RBFOX1: variants seen among roughly 807,000 people sequenced by gnomAD.
RBFOX1 encodes the protein RNA binding fox-1 homolog 1, also known as RNA binding protein fox-1 homolog 1.
RBFOX1 carries 8 observed loss-of-function variants against 57.7 expected under a neutral mutation model. That is an observed-to-expected ratio of 0.14 (90% CI 0.08 to 0.25). The LOEUF (loss-of-function observed/expected upper bound fraction) is 0.25, where lower values mean the gene tolerates loss of function less well. Ranked by LOEUF, RBFOX1 falls within the 10% of genes least tolerant of loss-of-function variation. RBFOX1 has a pLI of 1.00. For synonymous variants in RBFOX1, 326 were observed against 222.4 expected (o/e 1.47, Z -4.15); for missense variants, 611 against 548.5 (o/e 1.11, Z -1.14).
chr16:7,190,254 G>T (rs2085041411), intron 4 of RBFOX1, among the ~76,000 whole-genome samples: 1 of 152,178 alleles, frequency 6.6e-6, no homozygotes, highest in Non-Finnish European at 1.5e-5. Flanking sequence ...AGCGACTCGG[G>T]AGGCTGAGGC....
chr16:7,024,355 C>T (rs746573694), intron 3 of RBFOX1, among the ~76,000 whole-genome samples: 1 of 152,070 alleles, frequency 6.6e-6, no homozygotes, highest in Admixed American at 6.5e-5. Context: ...AATAATAATT[C>T]TTGGAGGGCA....
At chr16:7,208,684 A>C (rs577542381) in intron 4 of RBFOX1, among the ~76,000 whole-genome samples, 1 of 152,234 alleles carries the variant, frequency 6.6e-6, no homozygotes, top group South Asian at 2.1e-4. Flanking sequence ...AAAAATTAAA[A>C]AGATTAGCTG....
chr16:7,597,403 TAAA>T lies in RBFOX1; in HGVS notation c.597_599del (p.Lys200del). On this transcript the variant is annotated inframe_deletion, in exon 9 of 16. Coordinates refer to ENST00000550418, the MANE Select transcript of RBFOX1 (RefSeq NM_018723.4). ...ATGCCACAGCACGTGTAATGACAAA[TAAA>T]AAGACCGTCAACCCTTATACAAATG... 1 of 1,611,620 alleles carries T rather than the reference TAAA, an allele frequency of 6.2e-7. No individual in the cohort carries two copies. Among genetic ancestry groups the T allele is most frequent in the Non-Finnish European group, 8.5e-7 (1 of 1,178,590 alleles).
At chr16:6,799,773 A>G (rs185794307) in intron 3 of RBFOX1, among the ~76,000 whole-genome samples, 6 of 152,074 alleles carry the variant, frequency 3.9e-5, no homozygotes, top group African/African-American at 1.2e-4. Context: ...TAGCCTTTGG[A>G]CCGCTGGACT....
At chr16:5,890,682 C>G (rs371304622) in intron 4 of RBFOX1, among the ~76,000 whole-genome samples, 6 of 116,498 alleles carry the variant, frequency 5.2e-5, no homozygotes, top group Admixed American at 4.8e-4. Context: ...GGGTGACAGA[C>G]AGAGAGTCTG....
At chr16:7,109,730 G>T (rs2064299035) in intron 4 of RBFOX1, among the ~76,000 whole-genome samples, 1 of 152,092 alleles carries the variant, frequency 6.6e-6, no homozygotes, top group Admixed American at 6.6e-5. Context: ...AAGAAGAGGG[G>T]TCATTCCAGA....
At chr16:7,312,952 T>A (rs1319810529) in intron 4 of RBFOX1, among the ~76,000 whole-genome samples, 2 of 152,018 alleles carry the variant, frequency 1.3e-5, no homozygotes, top group Non-Finnish European at 2.9e-5. Context: ...GGCACTGATG[T>A]CTGGGAGGGT....
intron 3 of RBFOX1, among the ~76,000 whole-genome samples, chr16:6,820,527 C>A (rs995728934): frequency 1.3e-5 from 2 of 151,986 alleles, no homozygotes; most frequent in Admixed American, 1.3e-4. Flanking sequence ...GGTATGGTGG[C>A]GTGCACCTAT....
rs9932941 is a variant in RBFOX1 at position 7,315,051 on chromosome 16, G to C, written c.28-203096G>C. 4.7e-3 allele frequency among the ~76,000 whole-genome samples: 707 copies of C among 149,712 alleles called. 7 individuals carry two copies. In the Middle Eastern group the frequency reaches 0.081, roughly 17 times the overall value. ...CATAACCTCATATATTTTATTTGGA[G>C]CCCTCAATCAATCTTTCAAGATACC... is the stretch of plus-strand genomic sequence containing the variant. On this transcript the variant is annotated intron_variant, in intron 4 of 15. Transcript: ENST00000550418.
At chr16:6,193,911 C>G (rs1598262644) in intron 1 of RBFOX1, among the ~76,000 whole-genome samples, 1 of 152,158 alleles carries the variant, frequency 6.6e-6, no homozygotes, top group East Asian at 1.9e-4. Context: ...TGTGTTCACA[C>G]CTAAGCGAAG....
rs74250021 is a variant in RBFOX1 at position 6,938,526 on chromosome 16, G to A, written c.-15-113531G>A. Among the ~76,000 whole-genome samples, 739 of 152,040 alleles carry A rather than the reference G, an allele frequency of 4.9e-3. 11 individuals carry two copies. The highest frequency in any genetic ancestry group is 0.03 in the East Asian group (155 of 5,160). ...TTAATAAGGATTAAATAAGGTAAAT[G>A]CCTAACATTCTAGCATTACCAGACA... On this transcript the variant is annotated intron_variant, in intron 3 of 15. Transcript: ENST00000550418.
At chr16:6,776,749 A>T (rs1462215041) in intron 3 of RBFOX1, among the ~76,000 whole-genome samples, 2 of 152,228 alleles carry the variant, frequency 1.3e-5, no homozygotes, top group African/African-American at 4.8e-5. Context: ...CTAGGTGCTA[A>T]ACTTTTCTGC....
At chr16:6,941,253 C>G (rs1403558664) in intron 3 of RBFOX1, among the ~76,000 whole-genome samples, 2 of 139,892 alleles carry the variant, frequency 1.4e-5, no homozygotes, top group Non-Finnish European at 3.1e-5. Context: ...CTCCCATTCC[C>G]TCCCTCCCAT....
At chr16:7,054,543 G>T (rs2051399336) in intron 4 of RBFOX1, among the ~76,000 whole-genome samples, 1 of 138,594 alleles carries the variant, frequency 7.2e-6, no homozygotes, top group African/African-American at 2.5e-5. Flanking sequence ...GCCAAACCTG[G>T]GTGGGGGGGC....
intron 3 of RBFOX1, among the ~76,000 whole-genome samples, chr16:7,019,911 T>C (rs536632026): frequency 6.6e-6 from 1 of 152,232 alleles, no homozygotes; most frequent in African/African-American, 2.4e-5. Flanking sequence ...CTGCTCTCTT[T>C]TACCTCCCAG....
intron 2 of RBFOX1, among the ~76,000 whole-genome samples, chr16:6,522,997 C>T (rs1221305072): frequency 6.6e-6 from 1 of 152,182 alleles, no homozygotes; most frequent in East Asian, 1.9e-4. Flanking sequence ...TTTTAGGCAT[C>T]AAAGAACCAT....
At chr16:6,761,560 T>G (rs1432527473) in intron 3 of RBFOX1, among the ~76,000 whole-genome samples, 3 of 127,284 alleles carry the variant, frequency 2.4e-5, no homozygotes, top group East Asian at 5.4e-4. Context: ...CAGGCTGGAG[T>G]GCAGTGGTGC....
intron 5 of RBFOX1, among the ~76,000 whole-genome samples, chr16:7,569,609 A>T (rs1291575336): frequency 1.3e-5 from 2 of 152,200 alleles, no homozygotes; most frequent in Non-Finnish European, 2.9e-5. Context: ...AAAGTATCCT[A>T]TTCAAGATTC....
intron 2 of RBFOX1, among the ~76,000 whole-genome samples, chr16:6,634,834 A>C (rs1292919523): frequency 3.6e-5 from 5 of 138,808 alleles, no homozygotes; most frequent in African/African-American, 1.0e-4. Context: ...ATATACATAT[A>C]TTTGTATTAT....
Sources: allele counts gnomAD v4.1 joint callset (sites outside exome capture counted in the v4.1 genomes callset), GRCh38; gene constraint gnomAD v4.1.1; transcripts MANE v1.5; gene names NCBI Gene and HGNC (gene_info 2026-07-23, HGNC 2026-07-21).